The following CHST9 variants were observed in gnomAD, a reference collection of about 807,000 sequenced individuals.
CHST9 encodes GalNAc-4-sulfotransferase 2.
Under a neutral mutation model 44.4 loss-of-function variants are expected in CHST9, and 41 were observed. The observed-to-expected ratio is 0.92, with a 90% CI of 0.72 to 1.20. The LOEUF (loss-of-function observed/expected upper bound fraction) is 1.20, where lower values mean the gene tolerates loss of function less well. Among genes scored for constraint, CHST9 ranks in the 50% most tolerant of loss-of-function variants. CHST9 has a pLI of 0.00. For missense variants in CHST9, 504 were observed against 516.5 expected (o/e 0.98, Z 0.23); for synonymous variants, 171 against 178.4 (o/e 0.96, Z 0.33).
chr18:27,044,430 G>A (rs1167527683), intron 3 of CHST9, among the ~76,000 whole-genome samples: 1 of 151,982 alleles, frequency 6.6e-6, no homozygotes, highest in Non-Finnish European at 1.5e-5. Context: ...TATAAGCTAC[G>A]AACAAGTTAG....
At chr18:27,005,805 C>A (rs1219380114) in intron 4 of CHST9, among the ~76,000 whole-genome samples, 1 of 152,092 alleles carries the variant, frequency 6.6e-6, no homozygotes, top group Admixed American at 6.5e-5. Flanking sequence ...CCACTAGGGG[C>A]AGGAGAAGCT....
chr18:26,989,368 G>A (rs912734829), intron 4 of CHST9, among the ~76,000 whole-genome samples: 8 of 152,118 alleles, frequency 5.3e-5, no homozygotes, highest in African/African-American at 1.9e-4. Context: ...ATAAATTAAA[G>A]CACCATGATA....
chr18:27,007,567 AG>A, intron 4 of CHST9, among the ~76,000 whole-genome samples: 1 of 152,200 alleles, frequency 6.6e-6, no homozygotes, highest in African/African-American at 2.4e-5. Context: ...AAAAAGCAAA[AG>A]GCCAAGCCAA....
chr18:27,154,616 CTAGAT>C (rs1187029792), intron 1 of CHST9, among the ~76,000 whole-genome samples: 3 of 152,080 alleles, frequency 2.0e-5, no homozygotes, highest in African/African-American at 2.4e-5. Context: ...AAGAACTATA[CTAGAT>C]TATAGTCCAA....
Position 26,916,859 on chromosome 18 carries a change from GATGTTGT to G in CHST9, c.725_731del (p.Tyr242SerfsTer12). Reference sequence around the variant, plus strand: ...TCCCGTAGTGGACAGCATTGTGGGAGATGTTGTATGCAGAGGAAGCCAATCCATTTAG... The same window carrying G: ...TCCCGTAGTGGACAGCATTGTGGGAGATGCAGAGGAAGCCAATCCATTTAG... On this transcript the variant is annotated frameshift_variant, in exon 6 of 6. Transcript: ENST00000618847. LOFTEE classifies it high-confidence loss of function. The G allele has an allele frequency of 6.2e-7, 1 of 1,613,926 alleles. No individual in the cohort carries two copies. Among genetic ancestry groups the G allele is most frequent in the Non-Finnish European group, 8.5e-7 (1 of 1,179,876 alleles).
At chr18:27,082,098 T>G (rs1736866655) in intron 2 of CHST9, among the ~76,000 whole-genome samples, 1 of 152,162 alleles carries the variant, frequency 6.6e-6, no homozygotes, top group Non-Finnish European at 1.5e-5. Flanking sequence ...CCTAAAAGTG[T>G]ACCTAAGAAA....
At position 27,098,455 on chromosome 18, in the gene CHST9, T is replaced by C. The variant is rs530792101; in HGVS notation, c.121+44234A>G. ...GACCCAGCAATCCCATTACTGGTTATATAACCAAAGGATTATAACTCATTC... is the reference window on the plus strand; with the variant it reads ...GACCCAGCAATCCCATTACTGGTTACATAACCAAAGGATTATAACTCATTC... On this transcript the variant is annotated intron_variant, in intron 2 of 5. Transcript: ENST00000618847. Among the ~76,000 whole-genome samples the C allele has an allele frequency of 9.7e-4, 147 of 152,260 alleles. 2 individuals are homozygous for C. Among genetic ancestry groups the C allele is most frequent in the Non-Finnish European group, 1.5e-3 (102 of 67,992 alleles).
chr18:27,009,878 T>C (rs1407949839), intron 4 of CHST9, among the ~76,000 whole-genome samples: 2 of 152,216 alleles, frequency 1.3e-5, no homozygotes, highest in African/African-American at 2.4e-5. Context: ...ATATCCATGG[T>C]AAATTATTTG....
chr18:27,028,973 T>G (rs1598652408), intron 3 of CHST9, among the ~76,000 whole-genome samples: 2 of 152,298 alleles, frequency 1.3e-5, no homozygotes. Context: ...TGAGTTTAGG[T>G]ATCCTATCCA....
At chr18:26,919,242 G>A (rs1252443680) in intron 5 of CHST9, among the ~76,000 whole-genome samples, 1 of 152,076 alleles carries the variant, frequency 6.6e-6, no homozygotes, top group Non-Finnish European at 1.5e-5. Context: ...CCCTGAAACG[G>A]CCACTCCAAA....
chr18:26,965,405 C>T (rs34789339), intron 4 of CHST9, among the ~76,000 whole-genome samples: 4 of 152,184 alleles, frequency 2.6e-5, no homozygotes, highest in African/African-American at 9.7e-5. Flanking sequence ...CAACACATTA[C>T]TGATTTACTC....
chr18:27,118,748 G>T (rs2058350120), intron 2 of CHST9, among the ~76,000 whole-genome samples: 1 of 152,246 alleles, frequency 6.6e-6, no homozygotes, highest in Non-Finnish European at 1.5e-5. Context: ...GATTGCCCAG[G>T]TGGCTTCCTT....
intron 2 of CHST9, among the ~76,000 whole-genome samples, chr18:27,073,561 G>A (rs887336747): frequency 9.2e-5 from 14 of 152,024 alleles, no homozygotes; most frequent in African/African-American, 3.4e-4. Flanking sequence ...TGTGACCAGA[G>A]GGAAGATGGC....
rs376786366 is a variant in CHST9 at position 27,084,875 on chromosome 18, C to T, written c.122-36372G>A. On this transcript the variant is annotated intron_variant, in intron 2 of 5. Coordinates refer to ENST00000618847, the MANE Select transcript of CHST9 (RefSeq NM_031422.6). Reference sequence around the variant, plus strand: ...TCTCTGTTTTAGTTTCAAAGAATTTCTTGATTTCTGCCTTAATTTCATTTA... The same window carrying T: ...TCTCTGTTTTAGTTTCAAAGAATTTTTTGATTTCTGCCTTAATTTCATTTA... 7.9e-5 allele frequency among the ~76,000 whole-genome samples: 12 copies of T among 152,072 alleles called. No individual in the cohort carries two copies. In the South Asian group the frequency reaches 2.3e-3, roughly 29 times the overall value.
intron 2 of CHST9, among the ~76,000 whole-genome samples, chr18:27,071,015 C>T (rs1037264403): frequency 6.6e-6 from 1 of 152,166 alleles, no homozygotes; most frequent in Admixed American, 6.5e-5. Flanking sequence ...TCTCCCTCTC[C>T]TTTCATGGCT....
chr18:27,035,705 G>T (rs1051044297), intron 3 of CHST9, among the ~76,000 whole-genome samples: 4 of 152,118 alleles, frequency 2.6e-5, no homozygotes, highest in Non-Finnish European at 5.9e-5. Context: ...GAGGCAGAAA[G>T]ACAAATTCTA....
At chr18:27,098,840 A>C (rs1167640540) in intron 2 of CHST9, among the ~76,000 whole-genome samples, 2 of 151,770 alleles carry the variant, frequency 1.3e-5, no homozygotes. Context: ...AAAAAAAAAA[A>C]CAAACCTATC....
chr18:27,128,025 G>A (rs2058440008), intron 2 of CHST9, among the ~76,000 whole-genome samples: 1 of 152,084 alleles, frequency 6.6e-6, no homozygotes, highest in African/African-American at 2.4e-5. Context: ...AAACAGGAGG[G>A]AAAAAGCTCA....
At chr18:26,966,771 A>T (rs893693053) in intron 4 of CHST9, among the ~76,000 whole-genome samples, 3 of 151,948 alleles carry the variant, frequency 2.0e-5, no homozygotes, top group Admixed American at 6.6e-5. Context: ...AGTGAAGGAA[A>T]GTTGGTTATT....
Sources: allele counts gnomAD v4.1 joint callset (sites outside exome capture counted in the v4.1 genomes callset), GRCh38; gene constraint gnomAD v4.1.1; transcripts MANE v1.5; gene names NCBI Gene and HGNC (gene_info 2026-07-23, HGNC 2026-07-21).